RELN: variants seen among roughly 807,000 people sequenced by gnomAD.
The protein encoded by RELN is reelin.
A neutral mutation model predicts 427.6 loss-of-function variants in RELN; 108 were observed. The ratio of observed to expected loss-of-function variants is 0.25; its 90% CI spans 0.22 to 0.30. The LOEUF is 0.30. Ranked by LOEUF, RELN falls within the 10% of genes least tolerant of loss-of-function variation. The pLI, the probability that RELN is intolerant of heterozygous loss-of-function variation, is 1.00. For synonymous variants in RELN, 1,524 were observed against 1,513.4 expected (o/e 1.01, Z -0.16); for missense variants, 3,715 against 4,302.8 (o/e 0.86, Z 3.82).
At chr7:103,731,490 A>AT (rs149690722) in intron 6 of RELN, among the ~76,000 whole-genome samples, 2,914 of 151,470 alleles carry the variant, frequency 0.019, 43 homozygotes, top group Non-Finnish European at 0.028. Flanking sequence ...CTCTCCTTCT[A>AT]TTTTTTTTTA....
rs574961785 is a variant in RELN at position 103,542,000 on chromosome 7, T to A, written c.6671+731A>T. On this transcript the variant is annotated intron_variant, in intron 43 of 64. Coordinates refer to ENST00000428762, the MANE Select transcript of RELN (RefSeq NM_005045.4). ...TGAAATATCTCAAAAGACAAAAACA[T>A]GGTTTCTTTGTTCACTTGCAAAATT... Among the ~76,000 whole-genome samples the A allele has an allele frequency of 6.6e-5, 10 of 152,318 alleles. No homozygotes were observed. The South Asian group carries it at 2.1e-3, about 32-fold the overall frequency.
chr7:103,698,469 C>A (rs1834024375), intron 9 of RELN, among the ~76,000 whole-genome samples: 1 of 151,998 alleles, frequency 6.6e-6, no homozygotes, highest in Non-Finnish European at 1.5e-5. Context: ...GGTAAACATA[C>A]AATCTAAAAC....
At position 103,723,304 on chromosome 7, in the gene RELN, C is replaced by T. The variant is rs112785220; in HGVS notation, c.754-113G>A. ...GTTAAAAAAGAGGAGAGAGGAAATCCATTAACAGAAGTTGCATTTATCCAG... is the reference window on the plus strand; with the variant it reads ...GTTAAAAAAGAGGAGAGAGGAAATCTATTAACAGAAGTTGCATTTATCCAG... On this transcript the variant is annotated intron_variant, in intron 7 of 64. Coordinates refer to ENST00000428762, the MANE Select transcript of RELN (RefSeq NM_005045.4). 1.3e-4 allele frequency: 89 copies of T among 694,864 alleles called. No homozygotes were observed. The African/African-American group carries it at 1.3e-3, about 10-fold the overall frequency. 43.0% of individuals were successfully genotyped at this position (694,864 alleles called of 1,614,324 possible).
intron 64 of RELN, among the ~76,000 whole-genome samples, chr7:103,476,896 T>A (rs1422202353): frequency 6.6e-6 from 1 of 152,232 alleles, no homozygotes; most frequent in Non-Finnish European, 1.5e-5. Context: ...CTTTTAAAGA[T>A]TTATTTATTC....
chr7:103,860,781 A>G (rs990777888), intron 2 of RELN, among the ~76,000 whole-genome samples: 1 of 152,004 alleles, frequency 6.6e-6, no homozygotes, highest in Non-Finnish European at 1.5e-5. Flanking sequence ...GCAATGTATT[A>G]TCATCATCAT....
rs560263590 is a variant in RELN, at chr7:103,613,225, TC to T, written c.2703-1423del. ...ATCAGCTTTGCCTGACTCTAAAGCT[TC>T]TTAACCAAAGACACTATATCTTTGT... is the stretch of plus-strand genomic sequence containing the variant. On this transcript the variant is annotated intron_variant, in intron 20 of 64. Transcript: ENST00000428762. 3.3e-3 allele frequency among the ~76,000 whole-genome samples: 500 copies of T among 152,296 alleles called. 7 individuals carry two copies. The highest frequency in any genetic ancestry group is 0.011 in the African/African-American group (478 of 41,568).
intron 1 of RELN, among the ~76,000 whole-genome samples, chr7:103,980,640 G>C (rs59280022): frequency 0.039 from 5,937 of 152,210 alleles, 379 homozygotes; most frequent in African/African-American, 0.13. Flanking sequence ...GTTTATGCAC[G>C]CATAAAATGA....
At chr7:103,474,193 TAATAA>T (rs1359242217) in intron 64 of RELN, among the ~76,000 whole-genome samples, 9 of 152,114 alleles carry the variant, frequency 5.9e-5, no homozygotes, top group Non-Finnish European at 1.2e-4. Flanking sequence ...AGAAAATTTA[TAATAA>T]AATATCTCAA....
At chr7:103,494,984 C>A (rs2711881) in intron 57 of RELN, among the ~76,000 whole-genome samples, 1 of 151,690 alleles carries the variant, frequency 6.6e-6, no homozygotes, top group African/African-American at 2.4e-5. Context: ...AGAGAGAGAA[C>A]TGTGCAACAT....
chr7:103,673,820 A>C (rs1173668215), intron 11 of RELN, among the ~76,000 whole-genome samples: 3 of 152,096 alleles, frequency 2.0e-5, no homozygotes, highest in African/African-American at 7.2e-5. Context: ...ATTTTCTTTT[A>C]TTGGTGTTCT....
chr7:103,755,618 TAAAAAAAATA>T (rs797015951), intron 4 of RELN, among the ~76,000 whole-genome samples: 8 of 133,390 alleles, frequency 6.0e-5, no homozygotes, highest in African/African-American at 1.4e-4. Flanking sequence ...AAAAAAAAAA[TAAAAAAAATA>T]AAATAAATAA....
chr7:103,844,035 T>C (rs1251672794), intron 2 of RELN, among the ~76,000 whole-genome samples: 1 of 152,204 alleles, frequency 6.6e-6, no homozygotes, highest in Admixed American at 6.5e-5. Context: ...CCTCACCACC[T>C]GGTGCCTGCT....
At chr7:103,688,730 T>C (rs1368827553) in intron 10 of RELN, among the ~76,000 whole-genome samples, 1 of 152,088 alleles carries the variant, frequency 6.6e-6, no homozygotes, top group Non-Finnish European at 1.5e-5. Flanking sequence ...TCAGTTCTTA[T>C]TCAGGACTGG....
chr7:103,683,581 A>G (rs1223566337), intron 10 of RELN, among the ~76,000 whole-genome samples: 1 of 152,188 alleles, frequency 6.6e-6, no homozygotes, highest in African/African-American at 2.4e-5. Flanking sequence ...ACATCATGGC[A>G]TAATACATTA....
Position 103,989,379 on chromosome 7 carries a change from C to CCGCCGCCG in RELN, c.-24_-23insCGGCGGCG. On this transcript the variant is annotated 5_prime_UTR_variant, in exon 1 of 65. Transcript: ENST00000428762. This position sits in a 1 kb window ranked among gnomAD's most constrained non-coding sequence, Gnocchi z 4.9. Reference sequence around the variant, plus strand: ...CATGCCGCCGCCGCCGCCGCCGCCGCCGCGCGCCCTACGCGCCGCTCGCTC... The same window carrying CCGCCGCCG: ...CATGCCGCCGCCGCCGCCGCCGCCGCCGCCGCCGCGCGCGCCCTACGCGCCGCTCGCTC... 6.9e-7 allele frequency: 1 copy of CCGCCGCCG among 1,439,014 alleles called. No homozygotes were observed. The highest frequency in any genetic ancestry group is 9.0e-7 in the Non-Finnish European group (1 of 1,105,264). The allele number at this position is 1,439,014 out of a possible 1,614,324, so 89.1% of individuals were successfully genotyped here.
chr7:103,985,513 A>T (rs1797078878), intron 1 of RELN, among the ~76,000 whole-genome samples: 2 of 152,216 alleles, frequency 1.3e-5, no homozygotes, highest in African/African-American at 4.8e-5. Context: ...GGGACTGAAT[A>T]AAGCCAACCT....
chr7:103,553,325 GA>G lies in RELN; in HGVS notation c.6072+135del, dbSNP rs1830452707. The G allele has an allele frequency of 7.4e-6, 5 of 679,112 alleles. No individual in the cohort carries two copies. In the Admixed American group the frequency reaches 1.2e-4, roughly 16 times the overall value. 42.1% of individuals were successfully genotyped at this position (679,112 alleles called of 1,614,324 possible). On this transcript the variant is annotated intron_variant, in intron 40 of 64. Transcript: ENST00000428762. ...GGCTCTGTTAATAAGAGAAAATTAT[GA>G]TGCCAAAATCTCTTACATCCTTGCA...
At position 103,551,132 on chromosome 7, in the gene RELN, G is replaced by T; in HGVS notation, c.6237C>A (p.Tyr2079Ter). The T allele has an allele frequency of 6.2e-7, 1 of 1,614,086 alleles. No homozygotes were observed. Residue 2079 changes from tyrosine to a stop codon, truncating the protein, a stop_gained, in exon 41 of 65, where the codon TAC (tyrosine) becomes TAA (stop). Coordinates refer to ENST00000428762, the MANE Select transcript of RELN (RefSeq NM_005045.4). LOFTEE classifies it high-confidence loss of function. ...CSTEHHPSST[Y>*]YAGTMQGWRR... ...TCCAGCCCTGCATGGTTCCTGCGTA[G>T]TAGGTGCTGCTGGGGTGGTGCTCGG...
chr7:103,557,579 C>A (rs1394436132), intron 37 of RELN, among the ~76,000 whole-genome samples: 1 of 151,936 alleles, frequency 6.6e-6, no homozygotes, highest in African/African-American at 2.4e-5. Flanking sequence ...ATATGAAAAG[C>A]CAGAATGACT....
Sources: gnomAD v4.1 joint callset for allele counts (sites outside exome capture counted in the v4.1 genomes callset) on GRCh38, gnomAD v4.1.1 for gene constraint, Gnocchi (gnomAD v3.1) non-coding constraint, MANE v1.5 for transcripts, NCBI Gene and HGNC (gene_info 2026-07-23, HGNC 2026-07-21) for gene names.